CUL3: variants seen among roughly 807,000 people sequenced by gnomAD.
The protein encoded by CUL3 is cullin 3, also known as cullin-3.
In CUL3, 19 loss-of-function variants were observed where a neutral mutation model predicts 89.1. The ratio of observed to expected loss-of-function variants is 0.21; its 90% CI spans 0.15 to 0.31. The LOEUF is 0.31. Among genes scored for constraint, CUL3 ranks in the 10% least tolerant of loss-of-function variants. The probability of loss-of-function intolerance (pLI) is 1.00; values close to 1 mark genes in which losing one functional copy is unlikely to be tolerated. For missense variants in CUL3, 469 were observed against 942.3 expected (o/e 0.50, Z 6.58); for synonymous variants, 351 against 308.4 (o/e 1.14, Z -1.45).
chr2:224,500,928 AAC>A (rs1464813068), intron 10 of CUL3, among the ~76,000 whole-genome samples: 1 of 152,136 alleles, frequency 6.6e-6, no homozygotes, highest in African/African-American at 2.4e-5. Context: ...CCGGCAAAAA[AAC>A]AGATTTCCTT....
Position 224,500,679 on chromosome 2 carries a change from G to C in CUL3, c.1486-192C>G, listed in dbSNP as rs568173425. On this transcript the variant is annotated intron_variant, in intron 10 of 15. Coordinates refer to ENST00000264414, the MANE Select transcript of CUL3 (RefSeq NM_003590.5). ...TTTCGCTCGTTGCCCAGGCCGGAATGCAATGGCACGATCTCGGCTCACTGC... is the reference window on the plus strand; with the variant it reads ...TTTCGCTCGTTGCCCAGGCCGGAATCCAATGGCACGATCTCGGCTCACTGC... Among the ~76,000 whole-genome samples the C allele has an allele frequency of 3.5e-5, 5 of 143,658 alleles. No homozygotes were observed. In the South Asian group the frequency reaches 1.1e-3, roughly 31 times the overall value. 94.2% of individuals were successfully genotyped at this position (143,658 alleles called of 152,430 possible).
chr2:224,537,782 A>G (rs1343433816), intron 2 of CUL3, among the ~76,000 whole-genome samples: 2 of 152,210 alleles, frequency 1.3e-5, no homozygotes, highest in East Asian at 1.9e-4. Context: ...CCGCTATATT[A>G]TAAAATTAAG....
At chr2:224,516,857 G>A (rs958330440) in intron 3 of CUL3, among the ~76,000 whole-genome samples, 13 of 151,942 alleles carry the variant, frequency 8.6e-5, no homozygotes, top group African/African-American at 3.1e-4. Flanking sequence ...ATGTGGGCCA[G>A]GATGGTCTCC....
intron 1 of CUL3, among the ~76,000 whole-genome samples, chr2:224,571,710 A>C (rs1695184557): frequency 6.6e-6 from 1 of 152,244 alleles, no homozygotes; most frequent in Admixed American, 6.5e-5. Flanking sequence ...ATTAGAACTT[A>C]ACCATCATCA....
chr2:224,542,699 G>A (rs927867019), intron 2 of CUL3, among the ~76,000 whole-genome samples: 8 of 152,134 alleles, frequency 5.3e-5, no homozygotes, highest in East Asian at 1.9e-4. Flanking sequence ...ATGAGTCACC[G>A]TGTCTGGCCT....
chr2:224,517,865 C>A (rs1005160110), intron 3 of CUL3, among the ~76,000 whole-genome samples: 1 of 152,058 alleles, frequency 6.6e-6, no homozygotes, highest in Admixed American at 6.6e-5. Flanking sequence ...CAGTATGTAG[C>A]CATTTGCTTT....
At position 224,514,689 on chromosome 2, in the gene CUL3, A is replaced by G. The variant is rs1692971607; in HGVS notation, c.462T>C (p.Tyr154=). Residue 154 remains tyrosine, a synonymous_variant, in exon 4 of 16, where the codon TAT becomes TAC. Coordinates refer to ENST00000264414, the MANE Select transcript of CUL3 (RefSeq NM_003590.5). ...GCCGTAGATGATCCCTAATACACCC[A>G]TAACGTACAACTTGATCTCGAAAAA... The part of the protein sequence containing the change: ...LIIFRDQVVR[Y]GCIRDHLRQT... The G allele has an allele frequency of 1.1e-5, 18 of 1,613,638 alleles. No individual in the cohort carries two copies. Among genetic ancestry groups the G allele is most frequent in the Non-Finnish European group, 1.5e-5 (18 of 1,179,658 alleles).
rs543456825 is a variant in CUL3 at position 224,475,313 on chromosome 2, G to A, written c.2176-937C>T. Among the ~76,000 whole-genome samples the A allele has an allele frequency of 3.3e-4, 50 of 152,254 alleles. 1 individual carries two copies. The highest frequency in any genetic ancestry group is 4.2e-4 in the South Asian group (2 of 4,816). ...ATTACAGGCGTGAGCCACCGTGCCC[G>A]GCCTATTTAATGTTCTTAACCCTGC... On this transcript the variant is annotated intron_variant, in intron 15 of 15. Transcript: ENST00000264414.
chr2:224,516,967 C>T (rs1693076590), intron 3 of CUL3, among the ~76,000 whole-genome samples: 2 of 152,220 alleles, frequency 1.3e-5, no homozygotes, highest in South Asian at 2.1e-4. Context: ...CTCACATGAC[C>T]TCCAGGCCCA....
At chr2:224,496,350 G>A (rs1055248285) in intron 12 of CUL3, among the ~76,000 whole-genome samples, 1 of 152,066 alleles carries the variant, frequency 6.6e-6, no homozygotes, top group African/African-American at 2.4e-5. Flanking sequence ...TAACTTTAAT[G>A]GTATGTTTCA....
chr2:224,511,882 T>C (rs1023155307), intron 5 of CUL3, among the ~76,000 whole-genome samples: 11 of 152,192 alleles, frequency 7.2e-5, no homozygotes, highest in African/African-American at 2.7e-4. Flanking sequence ...GTCAAAAGCT[T>C]AGAAGCATCT....
rs3768889 is a variant in CUL3, at chr2:224,500,339, A to G, written c.1610+24T>C. On this transcript the variant is annotated intron_variant, in intron 11 of 15. Coordinates refer to ENST00000264414, the MANE Select transcript of CUL3 (RefSeq NM_003590.5). ...TTTGAACACTTACTTGTACACAGTG[A>G]TACAAAGTCTGATTTTGATTTACCT... The G allele has an allele frequency of 0.15, 247,103 of 1,611,900 alleles. 21,302 individuals carry two copies. Among genetic ancestry groups the G allele is most frequent in the East Asian group, 0.29 (12,880 of 44,818 alleles).
At chr2:224,531,490 G>A (rs1216468194) in intron 3 of CUL3, among the ~76,000 whole-genome samples, 1 of 151,572 alleles carries the variant, frequency 6.6e-6, no homozygotes, top group Non-Finnish European at 1.5e-5. Context: ...ATATATGTAA[G>A]TGCCTAGTTT....
intron 3 of CUL3, among the ~76,000 whole-genome samples, chr2:224,532,309 G>A (rs1471139475): frequency 4.6e-5 from 7 of 152,126 alleles, no homozygotes; most frequent in Admixed American, 4.6e-4. Flanking sequence ...AGGGGGGATG[G>A]TGGGGGCAGT....
chr2:224,502,606 G>C (rs973331014), intron 10 of CUL3, among the ~76,000 whole-genome samples: 1 of 152,110 alleles, frequency 6.6e-6, no homozygotes, highest in Non-Finnish European at 1.5e-5. Flanking sequence ...CACAATCTTG[G>C]GGTAAAGTGA....
chr2:224,526,874 A>T (rs1693500714), intron 3 of CUL3, among the ~76,000 whole-genome samples: 1 of 152,174 alleles, frequency 6.6e-6, no homozygotes, highest in African/African-American at 2.4e-5. Context: ...GGGGCTGAAA[A>T]ATATTAAATA....
In CUL3 at chr2:224,473,526, C is replaced by T. The variant is rs913710776; in HGVS notation, c.*719G>A. 1.6e-5 allele frequency: 3 copies of T among 182,746 alleles called. No homozygotes were observed. Among genetic ancestry groups the T allele is most frequent in the African/African-American group, 2.4e-5 (1 of 42,466 alleles). 11.3% of individuals were successfully genotyped at this position (182,746 alleles called of 1,614,324 possible). ...AAAATTATTGTACAATTTACACATA[C>T]TAAAATACTTTCTTTCTCTAGAAAT... On this transcript the variant is annotated 3_prime_UTR_variant, in exon 16 of 16. Coordinates refer to ENST00000264414, the MANE Select transcript of CUL3 (RefSeq NM_003590.5).
At chr2:224,475,903 AGTT>A (rs1356290652) in intron 15 of CUL3, among the ~76,000 whole-genome samples, 3 of 152,220 alleles carry the variant, frequency 2.0e-5, no homozygotes, top group Admixed American at 2.0e-4. Context: ...GTAAAGATGT[AGTT>A]GTTAACACCG....
At chr2:224,489,182 C>G (rs1691857756) in intron 13 of CUL3, among the ~76,000 whole-genome samples, 1 of 152,210 alleles carries the variant, frequency 6.6e-6, no homozygotes, top group South Asian at 2.1e-4. Context: ...GAAGCATTCC[C>G]TTTGAAAACT....
Sources: allele counts gnomAD v4.1 joint callset (sites outside exome capture counted in the v4.1 genomes callset), GRCh38; gene constraint gnomAD v4.1.1; transcripts MANE v1.5; gene names NCBI Gene and HGNC (gene_info 2026-07-23, HGNC 2026-07-21).